KIF16B: variants seen among roughly 807,000 people sequenced by gnomAD.
The protein encoded by KIF16B is kinesin-like protein KIF16B.
In KIF16B, 98 loss-of-function variants were observed where a neutral mutation model predicts 156.3. That is an observed-to-expected ratio of 0.63 (90% CI 0.53 to 0.74). The LOEUF (loss-of-function observed/expected upper bound fraction) is 0.74. Ranked by LOEUF, KIF16B falls within the 30% of genes least tolerant of loss-of-function variation. KIF16B has a pLI of 0.00. For synonymous variants in KIF16B, 564 were observed against 583.7 expected (o/e 0.97, Z 0.49); for missense variants, 1,421 against 1,606.5 (o/e 0.88, Z 1.97).
At chr20:16,388,963 T>G (rs984847421) in intron 17 of KIF16B, among the ~76,000 whole-genome samples, 4 of 152,038 alleles carry the variant, frequency 2.6e-5, no homozygotes, top group African/African-American at 7.2e-5. Flanking sequence ...GCAGCTGCAG[T>G]GCGGGTAGAT....
chr20:16,445,343 TC>T (rs1314115797), intron 12 of KIF16B, among the ~76,000 whole-genome samples: 1 of 152,026 alleles, frequency 6.6e-6, no homozygotes, highest in East Asian at 1.9e-4. Context: ...GAGCAGGAAA[TC>T]TTTGGCCTCA....
intron 15 of KIF16B, among the ~76,000 whole-genome samples, chr20:16,423,693 GA>G (rs562049682): frequency 6.6e-6 from 1 of 152,018 alleles, no homozygotes. Context: ...CTCTCCCTGG[GA>G]AAAGAGGACA....
chr20:16,426,207 C>G (rs528544715), intron 15 of KIF16B, among the ~76,000 whole-genome samples: 14 of 152,212 alleles, frequency 9.2e-5, no homozygotes, highest in African/African-American at 3.4e-4. Context: ...GAGGGACATT[C>G]TACAACATAT....
chr20:16,455,237 G>C (rs1002494400), intron 12 of KIF16B, among the ~76,000 whole-genome samples: 2 of 151,870 alleles, frequency 1.3e-5, no homozygotes, highest in Non-Finnish European at 2.9e-5. Flanking sequence ...AGAGAGACAG[G>C]GTCTTGCTAT....
intron 1 of KIF16B, among the ~76,000 whole-genome samples, chr20:16,536,510 T>C (rs938607515): frequency 1.3e-5 from 2 of 152,158 alleles, no homozygotes; most frequent in Non-Finnish European, 2.9e-5. Context: ...ACCCAACACA[T>C]AGAAATGATA....
At chr20:16,489,283 T>C (rs1600526411) in intron 12 of KIF16B, among the ~76,000 whole-genome samples, 2 of 151,874 alleles carry the variant, frequency 1.3e-5, no homozygotes, top group South Asian at 4.2e-4. Context: ...CTGGTTTCTC[T>C]CTCCAATCTC....
At chr20:16,391,823 G>C (rs1308475973) in intron 17 of KIF16B, among the ~76,000 whole-genome samples, 1 of 152,114 alleles carries the variant, frequency 6.6e-6, no homozygotes, top group African/African-American at 2.4e-5. Flanking sequence ...CCCTCCACTG[G>C]GGTTTTCAGA....
intron 12 of KIF16B, among the ~76,000 whole-genome samples, chr20:16,454,159 A>G (rs2067154918): frequency 6.6e-6 from 1 of 152,188 alleles, no homozygotes; most frequent in African/African-American, 2.4e-5. Flanking sequence ...ACGTGAATAC[A>G]GTCATGATGT....
At chr20:16,517,907 C>A (rs978566129) in intron 3 of KIF16B, among the ~76,000 whole-genome samples, 2 of 152,108 alleles carry the variant, frequency 1.3e-5, no homozygotes, top group Non-Finnish European at 2.9e-5. Context: ...TGGGGCTAAA[C>A]CAAAGTCATG....
rs1435077752 is a variant in KIF16B, at chr20:16,506,125, T to TC, written c.764dup (p.Ser256LysfsTer2). On this transcript the variant is annotated frameshift_variant, in exon 8 of 26. Coordinates refer to ENST00000354981, the MANE Select transcript of KIF16B (RefSeq NM_024704.5). LOFTEE classifies it high-confidence loss of function. ...CTCCGGTGGCATCTGCACGCTCACT[T>TC]CCGGCAAGATCAACCAAGTGGATCT... 1.2e-6 allele frequency: 2 copies of TC among 1,613,980 alleles called. No homozygotes were observed. Among genetic ancestry groups the TC allele is most frequent in the Non-Finnish European group, 1.7e-6 (2 of 1,179,984 alleles).
intron 1 of KIF16B, among the ~76,000 whole-genome samples, chr20:16,562,731 T>C (rs1375286788): frequency 6.6e-6 from 1 of 152,174 alleles, no homozygotes; most frequent in Non-Finnish European, 1.5e-5. Context: ...TATTCACACA[T>C]ACACACACGT....
chr20:16,448,864 A>T (rs1285329951), intron 12 of KIF16B, among the ~76,000 whole-genome samples: 2 of 148,102 alleles, frequency 1.4e-5, no homozygotes, highest in African/African-American at 5.3e-5. Flanking sequence ...AGAAAAACAG[A>T]TAGAAATATG....
chr20:16,559,303 A>G (rs1285137694), intron 1 of KIF16B, among the ~76,000 whole-genome samples: 2 of 152,168 alleles, frequency 1.3e-5, no homozygotes, highest in African/African-American at 2.4e-5. Flanking sequence ...TAGTCCATCA[A>G]AGGATGCCAG....
At chr20:16,364,713 G>A (rs981505947) in intron 22 of KIF16B, among the ~76,000 whole-genome samples, 1 of 152,164 alleles carries the variant, frequency 6.6e-6, no homozygotes, top group Non-Finnish European at 1.5e-5. Flanking sequence ...TTATCTCGAG[G>A]TACAAAGTAT....
intron 23 of KIF16B, among the ~76,000 whole-genome samples, chr20:16,339,675 C>T (rs2064106442): frequency 6.6e-6 from 1 of 152,182 alleles, no homozygotes; most frequent in South Asian, 2.1e-4. Flanking sequence ...AATGACAATG[C>T]TATTCTTCTC....
chr20:16,560,531 G>A (rs1242977174), intron 1 of KIF16B, among the ~76,000 whole-genome samples: 1 of 152,196 alleles, frequency 6.6e-6, no homozygotes, highest in Non-Finnish European at 1.5e-5. Flanking sequence ...ATCTTGATCT[G>A]AGCAATGGCT....
intron 12 of KIF16B, among the ~76,000 whole-genome samples, chr20:16,456,680 G>C (rs566235382): frequency 2.9e-4 from 44 of 152,242 alleles, no homozygotes; most frequent in African/African-American, 1.0e-3. Flanking sequence ...TCTGACCTCA[G>C]AGACCATGAC....
intron 17 of KIF16B, among the ~76,000 whole-genome samples, chr20:16,386,202 GA>G (rs1204800387): frequency 6.6e-6 from 1 of 152,186 alleles, no homozygotes; most frequent in Non-Finnish European, 1.5e-5. Flanking sequence ...TGCAAAGTCA[GA>G]AAGATTACAG....
At chr20:16,333,328 C>G (rs900250040) in intron 24 of KIF16B, among the ~76,000 whole-genome samples, 3 of 152,144 alleles carry the variant, frequency 2.0e-5, no homozygotes, top group African/African-American at 7.2e-5. Context: ...TAGTCCACTA[C>G]CCAGCTCTCA....
Sources: allele counts gnomAD v4.1 joint callset (sites outside exome capture counted in the v4.1 genomes callset), GRCh38; gene constraint gnomAD v4.1.1; transcripts MANE v1.5; gene names NCBI Gene and HGNC (gene_info 2026-07-23, HGNC 2026-07-21).